Variants in SIK2 observed in about 807,000 individuals in gnomAD.
SIK2 encodes the protein salt inducible kinase 2.
In SIK2, 29 loss-of-function variants were observed where a neutral mutation model predicts 103.2. The observed-to-expected ratio is 0.28, with a 90% confidence interval of 0.21 to 0.38. The LOEUF is 0.38. Among genes scored for constraint, SIK2 ranks in the 10% least tolerant of loss-of-function variants. The pLI is 1.00. For missense variants in SIK2, 879 were observed against 1,171.0 expected, an observed-to-expected ratio of 0.75 and a Z score of 3.64; for synonymous variants, 412 against 446.1, an observed-to-expected ratio of 0.92 and a Z score of 0.96.
chr11:111,678,664 C>T (rs1481685516), intron 3 of SIK2, among the ~76,000 whole-genome samples: 1 of 152,136 alleles, frequency 6.6e-6, no homozygotes, highest in Non-Finnish European at 1.5e-5. Context: ...TTGATTTGCC[C>T]TATTAAATAT....
At chr11:111,712,489 G>C in intron 9 of SIK2, 114 bp downstream of exon 9, 1 of 1,108,288 alleles carries the variant, frequency 9.0e-7, no homozygotes, top group Non-Finnish European at 1.3e-6. Flanking sequence ...AAGTCACTCA[G>C]GAGTGATGCT....
intron 3 of SIK2, among the ~76,000 whole-genome samples, chr11:111,685,571 T>C (rs1170343507): frequency 6.6e-6 from 1 of 152,210 alleles, no homozygotes; most frequent in African/African-American, 2.4e-5. Flanking sequence ...GGGTCTGGTG[T>C]GATGGCTCAC....
chr11:111,699,685 A>G (rs1394815519), intron 4 of SIK2, among the ~76,000 whole-genome samples: 1 of 152,190 alleles, frequency 6.6e-6, no homozygotes, highest in East Asian at 1.9e-4. Flanking sequence ...AAGCTAAGAG[A>G]ATGCTTTGCC....
chr11:111,672,397 A>AAG (rs1942641628), intron 3 of SIK2: 8 of 470,832 alleles, frequency 1.7e-5, no homozygotes, highest in Non-Finnish European at 2.7e-5. Context: ...GGTCACCCTG[A>AAG]TGGACACAGT....
chr11:111,718,231 T>C (rs1237280722), intron 9 of SIK2, among the ~76,000 whole-genome samples: 1 of 152,254 alleles, frequency 6.6e-6, no homozygotes, highest in Non-Finnish European at 1.5e-5. Context: ...CATTCTTGGC[T>C]AGTTTTAGAA....
chr11:111,704,283 G>C (rs1377885460), intron 7 of SIK2, among the ~76,000 whole-genome samples: 1 of 152,154 alleles, frequency 6.6e-6, no homozygotes, highest in African/African-American at 2.4e-5. Flanking sequence ...CTGCATCCTG[G>C]TGCCCTGCAC....
chr11:111,724,143 A>G lies in SIK2; in HGVS notation c.*14A>G, dbSNP rs1201309017. On this transcript the variant is annotated 3_prime_UTR_variant, in exon 15 of 15. Coordinates refer to ENST00000304987, the MANE Select transcript of SIK2 (RefSeq NM_015191.3). ...CTGGTGAATTAGTCTCAGCACAGGA[A>G]TTGAGGTGGGTCAGGTGAAGGAAGA... The G allele has an allele frequency of 6.3e-7, 1 of 1,599,978 alleles. No individual in the cohort carries two copies. The highest frequency in any genetic ancestry group is 1.1e-5 in the South Asian group (1 of 90,628).
chr11:111,671,593 G>T, intron 3 of SIK2: 1 of 331,372 alleles, frequency 3.0e-6, no homozygotes, highest in Non-Finnish European at 5.8e-6. Flanking sequence ...CTCATACTGG[G>T]CACAGACCTT....
intron 3 of SIK2, among the ~76,000 whole-genome samples, chr11:111,638,713 T>G (rs1942142419): frequency 6.6e-6 from 1 of 152,152 alleles, no homozygotes; most frequent in South Asian, 2.1e-4. Flanking sequence ...TCCTTTTTTC[T>G]TATGTTTTTC....
At chr11:111,626,710 C>CAA (rs33939540) in intron 3 of SIK2, among the ~76,000 whole-genome samples, 87,522 of 147,578 alleles carry the variant, frequency 0.59, 28,375 homozygotes, top group East Asian at 0.9. Flanking sequence ...CCATTAACTA[C>CAA]AAAAAAAAAA....
intron 3 of SIK2, among the ~76,000 whole-genome samples, chr11:111,680,379 G>A (rs1280727013): frequency 6.6e-6 from 1 of 151,954 alleles, no homozygotes; most frequent in African/African-American, 2.4e-5. Flanking sequence ...AGATTTGTGG[G>A]TTAGGACCTC....
chr11:111,665,725 C>T (rs1028937678), intron 3 of SIK2, among the ~76,000 whole-genome samples: 9 of 151,856 alleles, frequency 5.9e-5, no homozygotes, highest in African/African-American at 2.2e-4. Context: ...ACTCACGAGG[C>T]TGAGGCAGGA....
rs189644029 is a variant in SIK2 at position 111,637,587 on chromosome 11, G to A, written c.316+17185G>A. 6.6e-3 allele frequency among the ~76,000 whole-genome samples: 998 copies of A among 150,752 alleles called. 8 individuals are homozygous for A. Among genetic ancestry groups the A allele is most frequent in the Middle Eastern group, 0.055 (16 of 292 alleles). On this transcript the variant is annotated intron_variant, in intron 3 of 14. Coordinates refer to ENST00000304987, the MANE Select transcript of SIK2 (RefSeq NM_015191.3). The stretch of plus-strand genomic sequence containing the variant: ...TGATTCTCCTGCCTCAGCCTCCCCA[G>A]TAGCTGGGTTTACAGGTGCCCACCA...
chr11:111,637,192 A>G (rs1373822290), intron 3 of SIK2, among the ~76,000 whole-genome samples: 1 of 151,828 alleles, frequency 6.6e-6, no homozygotes, highest in Non-Finnish European at 1.5e-5. Context: ...GGGATTTCAT[A>G]AACTTTATCT....
At chr11:111,704,771 C>A (rs978862860) in intron 7 of SIK2, among the ~76,000 whole-genome samples, 21 of 152,270 alleles carry the variant, frequency 1.4e-4, no homozygotes, top group African/African-American at 4.8e-4. Flanking sequence ...CTGGTAAACC[C>A]ATTTAAAGGG....
At chr11:111,714,843 C>T (rs1406721048) in intron 9 of SIK2, among the ~76,000 whole-genome samples, 1 of 152,192 alleles carries the variant, frequency 6.6e-6, no homozygotes, top group African/African-American at 2.4e-5. Flanking sequence ...TCTTTCTTCT[C>T]TGTCTGTGGT....
intron 3 of SIK2, chr11:111,671,588 A>G (rs956000481): frequency 3.0e-6 from 1 of 330,994 alleles, no homozygotes; most frequent in Non-Finnish European, 5.8e-6. Flanking sequence ...ATGTCCTCAT[A>G]CTGGGCACAG....
In SIK2 at chr11:111,616,316, TA is replaced by T; in HGVS notation, c.211del (p.Met71Ter). 6.2e-7 allele frequency: 1 copy of T among 1,613,632 alleles called. No individual in the cohort carries two copies. The highest frequency in any genetic ancestry group is 8.5e-7 in the Non-Finnish European group (1 of 1,179,676). ...NLEKIYREVQ[I>X]MKMLDHPHII... ...GAGAAAATCTACCGAGAAGTACAAA[TA>T]ATGAAAATGTTAGACCACCCTCACA... On this transcript the variant is annotated frameshift_variant, in exon 2 of 15. Coordinates refer to ENST00000304987, the MANE Select transcript of SIK2 (RefSeq NM_015191.3). LOFTEE classifies it high-confidence loss of function.
At chr11:111,637,852 C>T (rs2135853590) in intron 3 of SIK2, among the ~76,000 whole-genome samples, 1 of 152,222 alleles carries the variant, frequency 6.6e-6, no homozygotes, top group African/African-American at 2.4e-5. Context: ...ATTTGTATTT[C>T]ATTTCTTCGT....
Sources: allele counts gnomAD v4.1 joint callset (sites outside exome capture counted in the v4.1 genomes callset), GRCh38; gene constraint gnomAD v4.1.1; transcripts MANE v1.5; gene names NCBI Gene and HGNC (gene_info 2026-07-23, HGNC 2026-07-21).